CRYZL1: variants seen among roughly 807,000 people sequenced by gnomAD.
CRYZL1 encodes the protein ferry endosomal RAB5 effector complex subunit 4.
A neutral mutation model predicts 50.6 loss-of-function variants in CRYZL1; 34 were observed. That is an observed-to-expected ratio of 0.67 (90% CI 0.51 to 0.89). CRYZL1 has a LOEUF of 0.89. CRYZL1 is among the 40% of genes least tolerant of loss of function. The pLI, the probability that CRYZL1 is intolerant of heterozygous loss-of-function variation, is 0.00. For missense variants in CRYZL1, 354 were observed against 402.3 expected (o/e 0.88, Z 1.03); for synonymous variants, 125 against 134.3 (o/e 0.93, Z 0.48).
intron 2 of CRYZL1, 122 bp from the exon 3 acceptor site, chr21:33,624,882 C>A: frequency 1.6e-6 from 2 of 1,277,584 alleles, no homozygotes; most frequent in South Asian, 3.7e-5. Flanking sequence ...AATCTCACAG[C>A]TAATTTTAAC....
intron 7 of CRYZL1, among the ~76,000 whole-genome samples, chr21:33,602,571 G>A (rs1346034499): frequency 2.6e-5 from 4 of 152,102 alleles, no homozygotes; most frequent in Non-Finnish European, 4.4e-5. Context: ...CATGTCACAC[G>A]CTGTCACTCA....
At position 33,592,749 on chromosome 21, in the gene CRYZL1, A is replaced by C. The variant is rs1397238531; in HGVS notation, c.905-1542T>G. The stretch of plus-strand genomic sequence containing the variant: ...AGTGAGGACTACTGTATGATTCAGG[A>C]CTTTAGAAAATGCAAATTAGGGCTG... On this transcript the variant is annotated intron_variant, in intron 11 of 12. Transcript: ENST00000381554. Among the ~76,000 whole-genome samples, 4 of 152,234 alleles carry C rather than the reference A, an allele frequency of 2.6e-5. No homozygotes were observed. The East Asian group carries it at 7.8e-4, about 30-fold the overall frequency.
chr21:33,597,354 G>A lies in CRYZL1; in HGVS notation c.724C>T (p.Leu242=), dbSNP rs2086705176. 6.2e-7 allele frequency: 1 copy of A among 1,606,126 alleles called. No individual in the cohort carries two copies. The highest frequency in any genetic ancestry group is 1.3e-5 in the African/African-American group (1 of 74,736). The part of the protein sequence containing the change: ...DDEPAVKLQL[L]PHKHDIITLL... ...GTGATGATATCATGTTTATGTGGTAGTAGTTGTAGTTTTACAGCTGGTTCA... is the reference window on the plus strand; with the variant it reads ...GTGATGATATCATGTTTATGTGGTAATAGTTGTAGTTTTACAGCTGGTTCA... The change falls in exon 10 of 13, where the codon CTA becomes TTA. Residue 242 remains leucine (L), a synonymous_variant. Transcript: ENST00000381554.
At chr21:33,597,463 C>A (rs2086706945) in intron 9 of CRYZL1, 62 bp from the exon 10 acceptor site, 1 of 1,286,094 alleles carries the variant, frequency 7.8e-7, no homozygotes, top group Non-Finnish European at 1.1e-6. Context: ...AATAATCTGA[C>A]AAAAATTTAT....
chr21:33,627,589 C>CT (rs1239909869), intron 2 of CRYZL1, among the ~76,000 whole-genome samples: 1 of 152,052 alleles, frequency 6.6e-6, no homozygotes, highest in Non-Finnish European at 1.5e-5. Context: ...GAAAATTCTA[C>CT]TATCTATGCT....
chr21:33,629,545 G>C (rs553304827), intron 2 of CRYZL1, among the ~76,000 whole-genome samples: 3 of 152,248 alleles, frequency 2.0e-5, no homozygotes, highest in Non-Finnish European at 4.4e-5. Flanking sequence ...TTACAGGCGT[G>C]AGCCACCATG....
chr21:33,615,309 G>T (rs764988345), intron 5 of CRYZL1, among the ~76,000 whole-genome samples: 5 of 151,666 alleles, frequency 3.3e-5, no homozygotes, highest in Non-Finnish European at 7.4e-5. Flanking sequence ...GTGCCACCAC[G>T]CCTGGCTAAT....
intron 7 of CRYZL1, among the ~76,000 whole-genome samples, chr21:33,602,865 G>A (rs565618047): frequency 6.6e-6 from 1 of 152,258 alleles, no homozygotes; most frequent in East Asian, 1.9e-4. Flanking sequence ...CAGGAAGAAA[G>A]CATTTCATCA....
chr21:33,635,346 C>CT lies in CRYZL1; in HGVS notation c.-6-3790dup, dbSNP rs11346670. Among the ~76,000 whole-genome samples the CT allele has an allele frequency of 4.1e-3, 383 of 93,416 alleles. 1 individual carries two copies. Among genetic ancestry groups the CT allele is most frequent in the East Asian group, 6.4e-3 (21 of 3,286 alleles). The allele number at this position is 93,416 out of a possible 152,430, so 61.3% of individuals were successfully genotyped here. ...GCACATAGGACATAAAAGTATTAAACTTTTTTTTTTTTTTTTTTTTTTGAG... is the reference window on the plus strand; with the variant it reads ...GCACATAGGACATAAAAGTATTAAACTTTTTTTTTTTTTTTTTTTTTTTGAG... On this transcript the variant is annotated intron_variant, in intron 1 of 12. Transcript: ENST00000381554.
At chr21:33,635,003 T>A (rs1445387372) in intron 1 of CRYZL1, among the ~76,000 whole-genome samples, 1 of 151,938 alleles carries the variant, frequency 6.6e-6, no homozygotes, top group African/African-American at 2.4e-5. Context: ...GTTCAGTTGG[T>A]CCAATTGAGA....
intron 2 of CRYZL1, among the ~76,000 whole-genome samples, chr21:33,626,923 G>A (rs1184553006): frequency 6.6e-6 from 1 of 152,012 alleles, no homozygotes; most frequent in Non-Finnish European, 1.5e-5. Flanking sequence ...TGTATCAAAG[G>A]GATTACTGTG....
At chr21:33,591,747 G>A (rs957410222) in intron 11 of CRYZL1, 1 of 152,618 alleles carries the variant, frequency 6.6e-6, no homozygotes, top group African/African-American at 2.4e-5. Flanking sequence ...AGATACTCAA[G>A]TCCCTTATAG....
chr21:33,597,434 G>C (rs186726752), intron 9 of CRYZL1, 33 bp from the exon 10 acceptor site: 15 of 1,444,668 alleles, frequency 1.0e-5, no homozygotes, highest in Non-Finnish European at 1.9e-6. Flanking sequence ...AAAAGAGAGA[G>C]AGAAGAAATA....
At chr21:33,613,023 G>C (rs775474295) in intron 6 of CRYZL1, among the ~76,000 whole-genome samples, 2 of 151,856 alleles carry the variant, frequency 1.3e-5, no homozygotes, top group Non-Finnish European at 2.9e-5. Flanking sequence ...ACCAGGTTTT[G>C]CTATGTTGGC....
At chr21:33,621,368 T>C (rs1481396614) in intron 4 of CRYZL1, among the ~76,000 whole-genome samples, 1 of 148,528 alleles carries the variant, frequency 6.7e-6, no homozygotes, top group African/African-American at 2.5e-5. Context: ...TGAGACAGAG[T>C]CTCGCACTTG....
At position 33,641,685 on chromosome 21, in the gene CRYZL1, C is replaced by T; in HGVS notation, c.-11G>A. On this transcript the variant is annotated 5_prime_UTR_variant, in exon 1 of 13. Transcript: ENST00000381554. ...GACGCGTTTCCCGGGGCTCACCTGC[C>T]TCTGAGCCGCCCCAACGGCCTGCAC... 5.8e-6 allele frequency: 1 copy of T among 171,576 alleles called. No homozygotes were observed. 10.6% of individuals were successfully genotyped at this position (171,576 alleles called of 1,614,324 possible). A position where few individuals can be genotyped will look rare whatever the true frequency, so the allele number is the denominator to read the frequency against.
At chr21:33,636,050 CT>C (rs1322071184) in intron 1 of CRYZL1, among the ~76,000 whole-genome samples, 2 of 152,000 alleles carry the variant, frequency 1.3e-5, no homozygotes, top group Non-Finnish European at 2.9e-5. Context: ...AGTCATGTAA[CT>C]TCAAAATTAT....
At chr21:33,619,866 C>T (rs762263854) in intron 4 of CRYZL1, among the ~76,000 whole-genome samples, 15 of 152,352 alleles carry the variant, frequency 9.8e-5, no homozygotes, top group Non-Finnish European at 2.1e-4. Flanking sequence ...TGATTCTCAA[C>T]ATGCTTGCCC....
chr21:33,616,553 A>G (rs764655041), intron 5 of CRYZL1, 153 bp downstream of exon 5: 13 of 1,490,598 alleles, frequency 8.7e-6, no homozygotes, highest in Admixed American at 7.8e-5. Context: ...TGGCCTCCCA[A>G]CGTGCTGGGA....
Sources: gnomAD v4.1 joint callset for allele counts (sites outside exome capture counted in the v4.1 genomes callset) on GRCh38, gnomAD v4.1.1 for gene constraint, MANE v1.5 for transcripts, NCBI Gene and HGNC (gene_info 2026-07-23, HGNC 2026-07-21) for gene names.